Variants in KIF1B observed in about 807,000 individuals in gnomAD.
KIF1B encodes kinesin family member 1B, also known as kinesin-like protein KIF1B.
KIF1B carries 76 observed loss-of-function variants against 241.9 expected under a neutral mutation model. The ratio of observed to expected loss-of-function variants is 0.31; its 90% confidence interval spans 0.26 to 0.38. KIF1B has a LOEUF of 0.38. Among genes scored for constraint, KIF1B ranks in the 10% least tolerant of loss-of-function variants. The probability of loss-of-function intolerance (pLI) is 1.00; values close to 1 mark genes in which losing one functional copy is unlikely to be tolerated. For missense variants in KIF1B, 1,622 were observed against 2,271.4 expected (o/e 0.71, Z 5.81); for synonymous variants, 750 against 796.7 (o/e 0.94, Z 0.99).
chr1:10,254,292 G>T (rs57661717), intron 2 of KIF1B, among the ~76,000 whole-genome samples: 5,366 of 152,222 alleles, frequency 0.035, 113 homozygotes, highest in Middle Eastern at 0.13. Flanking sequence ...CTGTAATGTG[G>T]TTCATTTCCA....
At chr1:10,298,602 G>GT (rs1650382225) in intron 22 of KIF1B, among the ~76,000 whole-genome samples, 1 of 152,102 alleles carries the variant, frequency 6.6e-6, no homozygotes, top group Non-Finnish European at 1.5e-5. Context: ...TGGCTTGAAA[G>GT]GTTTGTGACA....
At position 10,268,188 on chromosome 1, in the gene KIF1B, C is replaced by T; in HGVS notation, c.645C>T (p.Ser215=). 6.2e-7 allele frequency: 1 copy of T among 1,613,908 alleles called. No homozygotes were observed. The highest frequency in any genetic ancestry group is 8.5e-7 in the Non-Finnish European group (1 of 1,179,860). The change falls in exon 7 of 49, where the codon AGC becomes AGT. Residue 215 remains serine, a synonymous_variant. Transcript: ENST00000676179. ...VAATNMNETS[S]RSHAVFTIVF... is the part of the protein sequence containing the mutation. ...CTACAAACATGAATGAAACAAGTAG[C>T]CGTTCCCACGCTGTGTTTACGATTG...
Position 10,339,783 on chromosome 1 carries a change from A to G in KIF1B, c.3437A>G (p.His1146Arg), listed in dbSNP as rs770087116. ...IFCQFNFLHR[H>R]DEAFSTEPLK... ...TTTTTATGAAGCTTTTTGCATCGCC[A>G]TGATGAAGCATTCTCCACGGAGCCC... is the stretch of plus-strand genomic sequence containing the variant. The change falls in exon 32 of 49, where the codon CAT (histidine) becomes CGT (arginine). Residue 1146 changes from histidine (H) to arginine (R), a missense_variant. Around this residue, in one of 7 missense-constraint regions of KIF1B, gnomAD observed 803 missense variants for 1,112.0 expected, o/e 0.72. Coordinates refer to ENST00000676179, the MANE Select transcript of KIF1B (RefSeq NM_001365951.3). 1 of 1,614,084 alleles carries G rather than the reference A, an allele frequency of 6.2e-7. No homozygotes were observed. The highest frequency in any genetic ancestry group is 8.5e-7 in the Non-Finnish European group (1 of 1,179,974).
intron 22 of KIF1B, among the ~76,000 whole-genome samples, chr1:10,319,459 G>T (rs1224594446): frequency 2.0e-5 from 3 of 152,120 alleles, no homozygotes; most frequent in African/African-American, 7.2e-5. Flanking sequence ...ATAACTAAAT[G>T]CAGTCTATAA....
chr1:10,378,315 GAC>G lies in KIF1B; in HGVS notation c.*1730_*1731del, dbSNP rs1313109003. 1 of 717,858 alleles carries G rather than the reference GAC, an allele frequency of 1.4e-6. No individual in the cohort carries two copies. Among genetic ancestry groups the G allele is most frequent in the African/African-American group, 1.7e-5 (1 of 57,368 alleles). 44.5% of individuals were successfully genotyped at this position (717,858 alleles called of 1,614,324 possible). ...GGGAGAAAGGAGGAAGCTCACTGTG[GAC>G]AGTCTTCTTTCCTTCTGACAGACCA... On this transcript the variant is annotated 3_prime_UTR_variant, in exon 49 of 49. Transcript: ENST00000676179.
At chr1:10,335,251 T>C (rs1652121972) in intron 28 of KIF1B, among the ~76,000 whole-genome samples, 1 of 152,030 alleles carries the variant, frequency 6.6e-6, no homozygotes, top group South Asian at 2.1e-4. Flanking sequence ...CGGCCAGTCA[T>C]TGGCCTTTTA....
chr1:10,379,902 A>T lies in KIF1B; in HGVS notation c.*3315A>T, dbSNP rs1165150063. ...AGCACAGGCAAGGGGTGCTTGTGGCAGTGGCCGGGCACCTGAGCCCCAGCT... is the reference window on the plus strand; with the variant it reads ...AGCACAGGCAAGGGGTGCTTGTGGCTGTGGCCGGGCACCTGAGCCCCAGCT... On this transcript the variant is annotated 3_prime_UTR_variant, in exon 49 of 49. Transcript: ENST00000676179. 1.3e-5 allele frequency: 3 copies of T among 229,804 alleles called. No individual in the cohort carries two copies. The highest frequency in any genetic ancestry group is 2.2e-5 in the African/African-American group (1 of 45,130). The allele number at this position is 229,804 out of a possible 1,614,324, so 14.2% of individuals were successfully genotyped here.
In KIF1B at chr1:10,360,387, TAAAA is replaced by T. The variant is rs533365657; in HGVS notation, c.4056-538_4056-535del. Among the ~76,000 whole-genome samples the T allele has an allele frequency of 1.2e-4, 18 of 151,942 alleles. No individual in the cohort carries two copies. In the East Asian group the frequency reaches 3.3e-3, roughly 28 times the overall value. On this transcript the variant is annotated intron_variant, in intron 38 of 48. Coordinates refer to ENST00000676179, the MANE Select transcript of KIF1B (RefSeq NM_001365951.3). ...AGAGGCAGGCTTGTCAAAACAAAATTAAAAAAAGCACAACTGGCCAGGCACAGTG... is the reference window on the plus strand; with the variant it reads ...AGAGGCAGGCTTGTCAAAACAAAATTAAAGCACAACTGGCCAGGCACAGTG...
At chr1:10,266,857 T>C (rs1207417550) in intron 5 of KIF1B, among the ~76,000 whole-genome samples, 1 of 152,166 alleles carries the variant, frequency 6.6e-6, no homozygotes, top group Admixed American at 6.6e-5. Context: ...ACCTATTCAG[T>C]GTAATTACCT....
At chr1:10,320,302 A>G (rs932137738) in intron 23 of KIF1B, among the ~76,000 whole-genome samples, 166 bp downstream of exon 23, 1 of 152,200 alleles carries the variant, frequency 6.6e-6, no homozygotes, top group Non-Finnish European at 1.5e-5. Flanking sequence ...TGCAGTGTTG[A>G]GAATCCAGGC....
rs767040230 is a variant in KIF1B at position 10,379,205 on chromosome 1, AT to A, written c.*2620del. ...GGTGGGAAGCCTGAGAGAGAGTGAA[AT>A]TATGTGATACACTGAAATGACTTTT... is the stretch of plus-strand genomic sequence containing the variant. On this transcript the variant is annotated 3_prime_UTR_variant, in exon 49 of 49. Coordinates refer to ENST00000676179, the MANE Select transcript of KIF1B (RefSeq NM_001365951.3). 4 of 232,296 alleles carry A rather than the reference AT, an allele frequency of 1.7e-5. No individual in the cohort carries two copies. The highest frequency in any genetic ancestry group is 5.6e-5 in the Admixed American group (1 of 17,710). 14.4% of individuals were successfully genotyped at this position (232,296 alleles called of 1,614,324 possible). A position where few individuals can be genotyped will look rare whatever the true frequency, so the allele number is the denominator to read the frequency against.
rs185114502 is a variant in KIF1B at position 10,324,703 on chromosome 1, A to G, written c.2538-55A>G. 7 of 1,598,948 alleles carry G rather than the reference A, an allele frequency of 4.4e-6. No individual in the cohort carries two copies. In the African/African-American group the frequency reaches 6.7e-5, roughly 15 times the overall value. On this transcript the variant is annotated intron_variant, in intron 25 of 48. Coordinates refer to ENST00000676179, the MANE Select transcript of KIF1B (RefSeq NM_001365951.3). ...TGAACGGAAGATGCTTCCAAAGTGA[A>G]AGTTTAATGCAATCTCATTATATTA... is the stretch of plus-strand genomic sequence containing the variant.
intron 15 of KIF1B, among the ~76,000 whole-genome samples, chr1:10,290,711 A>C (rs1649952406): frequency 6.6e-6 from 1 of 151,876 alleles, no homozygotes; most frequent in South Asian, 2.1e-4. Context: ...CTCTACTAAA[A>C]ATACAAAAAT....
intron 38 of KIF1B, among the ~76,000 whole-genome samples, chr1:10,357,420 C>T (rs1311592300): frequency 1.3e-5 from 2 of 152,186 alleles, no homozygotes; most frequent in Non-Finnish European, 2.9e-5. Context: ...TCTCCCCAGT[C>T]TTGGTTGTAT....
chr1:10,218,700 C>T lies in KIF1B; in HGVS notation c.-80+7822C>T, dbSNP rs72864196. Reference sequence around the variant, plus strand: ...CCTCCCAAAGTGTTGGGATTATACGCGTGAGCCACGATGCCCAGCCGATCT... The same window carrying T: ...CCTCCCAAAGTGTTGGGATTATACGTGTGAGCCACGATGCCCAGCCGATCT... On this transcript the variant is annotated intron_variant, in intron 1 of 48. Transcript: ENST00000676179. Among the ~76,000 whole-genome samples the T allele has an allele frequency of 1.3e-3, 198 of 152,268 alleles. 1 individual carries two copies. The highest frequency in any genetic ancestry group is 4.6e-3 in the African/African-American group (191 of 41,556).
chr1:10,363,243 CT>C, intron 40 of KIF1B, 39 bp from the exon 41 acceptor site: 7 of 1,513,468 alleles, frequency 4.6e-6, no homozygotes, highest in Non-Finnish European at 6.4e-6. Context: ...TGTTTTTGTG[CT>C]TTAAGAGATT....
In KIF1B at chr1:10,227,129, G is replaced by A. The variant is rs370412394; in HGVS notation, c.-79-5121G>A. On this transcript the variant is annotated intron_variant, in intron 1 of 48. Transcript: ENST00000676179. ...CAGCTCACTGCAACCTCTGCCTCCC[G>A]GGTTCAAACAATTCTTCTGCCTCAG... Among the ~76,000 whole-genome samples, 6 of 144,502 alleles carry A rather than the reference G, an allele frequency of 4.2e-5. No homozygotes were observed. The South Asian group carries it at 1.3e-3, about 32-fold the overall frequency. 94.8% of individuals were successfully genotyped at this position (144,502 alleles called of 152,430 possible). A position where few individuals can be genotyped will look rare whatever the true frequency, so the allele number is the denominator to read the frequency against.
At chr1:10,214,047 A>G (rs1217071593) in intron 1 of KIF1B, among the ~76,000 whole-genome samples, 2 of 151,524 alleles carry the variant, frequency 1.3e-5, no homozygotes, top group African/African-American at 2.4e-5. Context: ...AGTGGGGAGG[A>G]TGGCTTGAGT....
chr1:10,226,627 A>G (rs1283507156), intron 1 of KIF1B, among the ~76,000 whole-genome samples: 1 of 152,204 alleles, frequency 6.6e-6, no homozygotes, highest in Non-Finnish European at 1.5e-5. Context: ...AAATTCCTTA[A>G]TATCATCTAA....
Sources: allele counts gnomAD v4.1 joint callset (sites outside exome capture counted in the v4.1 genomes callset), GRCh38; gene constraint gnomAD v4.1.1; regional missense constraint gnomAD v4.1.1; transcripts MANE v1.5; gene names NCBI Gene and HGNC (gene_info 2026-07-23, HGNC 2026-07-21).